Variants in MPO observed in about 807,000 individuals in gnomAD.
MPO encodes the protein myeloperoxidase.
In MPO, 57 loss-of-function variants were observed where a neutral mutation model predicts 69.4. That is an observed-to-expected ratio of 0.82 (90% confidence interval 0.66 to 1.02). MPO has a LOEUF of 1.02. MPO is among the 50% of genes least tolerant of loss of function. The probability of loss-of-function intolerance (pLI) is 0.00; values close to 1 mark genes in which losing one functional copy is unlikely to be tolerated. For synonymous variants in MPO, 426 were observed against 417.1 expected (o/e 1.02, Z -0.26); for missense variants, 971 against 1,014.1 (o/e 0.96, Z 0.58).
chr17:58,273,349 C>A, intron 9 of MPO, 65 bp downstream of exon 9: 2 of 1,611,502 alleles, frequency 1.2e-6, no homozygotes, highest in Non-Finnish European at 1.7e-6. Context: ...CTCCCTAGAG[C>A]CAAGGTGATC....
intron 11 of MPO, among the ~76,000 whole-genome samples, chr17:58,271,453 G>A (rs768632731): frequency 6.6e-6 from 1 of 152,154 alleles, no homozygotes; most frequent in Non-Finnish European, 1.5e-5. Flanking sequence ...ACAACCAGGG[G>A]TCCAGGTCTT....
chr17:58,279,221 G>C lies in MPO; in HGVS notation c.679-7C>G. ...CGTTGGAGACCGCGCGAGCCTGCGG[G>C]ACACGGAGATCAGCTGGCGCCTGGG... On this transcript the variant is annotated splice_polypyrimidine_tract_variant and splice_region_variant and intron_variant, in intron 5 of 11. Transcript: ENST00000225275. 6.3e-7 allele frequency: 1 copy of C among 1,596,934 alleles called. No individual in the cohort carries two copies. Among genetic ancestry groups the C allele is most frequent in the Middle Eastern group, 1.7e-4 (1 of 6,016 alleles).
At position 58,273,520 on chromosome 17, in the gene MPO, GA is replaced by G; in HGVS notation, c.1514del (p.Ile505ThrfsTer53). 2 of 1,614,232 alleles carry G rather than the reference GA, an allele frequency of 1.2e-6. No individual in the cohort carries two copies. ...TGTCCAGGCGGAACATGAAGGGTTGGATGAGGGTGTGGCCGTAGCGGAAGGC... is the reference window on the plus strand; with the variant it reads ...TGTCCAGGCGGAACATGAAGGGTTGGTGAGGGTGTGGCCGTAGCGGAAGGC... ...TNAFRYGHTLIQPFMFRLDNR... is the reference protein window; with the variant it reads ...TNAFRYGHTLXQPFMFRLDNR... On this transcript the variant is annotated frameshift_variant, in exon 9 of 12. Coordinates refer to ENST00000225275, the MANE Select transcript of MPO (RefSeq NM_000250.2). LOFTEE classifies it high-confidence loss of function.
At position 58,280,846 on chromosome 17, in the gene MPO, AGGGAG is replaced by A; in HGVS notation, c.-93_-89del. On this transcript the variant is annotated 5_prime_UTR_variant, in exon 1 of 12. Transcript: ENST00000225275. ...CTATGGATAAAGCCAGACCTCCTTG[AGGGAG>A]GGGCTCACTGCTCTCTTATCCCCTT... 1 of 1,509,066 alleles carries A rather than the reference AGGGAG, an allele frequency of 6.6e-7. No homozygotes were observed. 93.5% of individuals were successfully genotyped at this position (1,509,066 alleles called of 1,614,324 possible).
At chr17:58,274,217 A>G (rs1258208908) in intron 8 of MPO, 6 of 494,500 alleles carry the variant, frequency 1.2e-5, no homozygotes, top group Admixed American at 4.2e-5. Context: ...AAGTGAAGAC[A>G]TGGAATAGTC....
rs544572579 is a variant in MPO, at chr17:58,280,389, C to G, written c.225G>C (p.Lys75Asn). The change falls in exon 2 of 12, where the codon AAG (lysine) becomes AAC (asparagine). Residue 75 changes from lysine to asparagine, a missense_variant. Lys to Asn is a moderately conservative substitution (Grantham distance 94). Transcript: ENST00000225275. The part of the protein sequence containing the change: ...SMEEAKQLVD[K>N]AYKERRESIK... ...ACCTTTCCCGCCGCTCCTTGTAGGC[C>G]TTGTCCACCAGCTGCTTGGCCTCCT... The G allele has an allele frequency of 1.3e-5, 21 of 1,614,016 alleles. No homozygotes were observed. The highest frequency in any genetic ancestry group is 1.7e-5 in the Non-Finnish European group (20 of 1,179,992).
chr17:58,280,051 G>C (rs769421769), intron 2 of MPO, 37 bp from the exon 3 acceptor site: 2 of 1,608,806 alleles, frequency 1.2e-6, no homozygotes, highest in South Asian at 1.1e-5. Context: ...CCAGAGAAGG[G>C]ATACAGACCC....
Position 58,276,059 on chromosome 17 carries a change from A to G in MPO, c.1205-357T>C, listed in dbSNP as rs574910548. On this transcript the variant is annotated intron_variant, in intron 7 of 11. Transcript: ENST00000225275. ...TTTTACCCTCCCTCCTAGCACACAT[A>G]TGGATACATGGGGCTTAACAGAGTG... 3.4e-4 allele frequency among the ~76,000 whole-genome samples: 52 copies of G among 152,330 alleles called. 1 individual carries two copies. The highest frequency in any genetic ancestry group is 1.2e-3 in the African/African-American group (48 of 41,576).
intron 3 of MPO, 32 bp downstream of exon 3, chr17:58,279,807 G>C (rs748907623): frequency 1.9e-6 from 3 of 1,613,686 alleles, no homozygotes; most frequent in Non-Finnish European, 2.5e-6. Flanking sequence ...CACTAGTGGA[G>C]CAGGGACCTG....
rs376862426 is a variant in MPO, at chr17:58,273,469, G to A, written c.1566C>T (p.Asn522=). 43 of 1,610,666 alleles carry A rather than the reference G, an allele frequency of 2.7e-5. No individual in the cohort carries two copies. In the South Asian group the frequency reaches 3.0e-4, roughly 11 times the overall value. ...LDNRYQPMEP[N]PRVPLSRVFF... ...AGACCCTGCTGAGGGGGACACGGGG[G>A]TTGGGTTCCATGGGCTGGTACCGAT... The change falls in exon 9 of 12, where the codon AAC becomes AAT. Residue 522 remains asparagine, a synonymous_variant. Transcript: ENST00000225275.
At chr17:58,274,098 TCA>T in intron 8 of MPO, 1 of 453,850 alleles carries the variant, frequency 2.2e-6, no homozygotes, top group African/African-American at 2.0e-5. Flanking sequence ...TTGAAATTCT[TCA>T]CAGTGCCCAC....
intron 3 of MPO, 89 bp from the exon 4 acceptor site, chr17:58,279,735 G>A: frequency 6.2e-7 from 1 of 1,613,292 alleles, no homozygotes; most frequent in Non-Finnish European, 8.5e-7. Flanking sequence ...AGACTCCTGA[G>A]ACTCCCTGGA....
rs1247080605 is a variant in MPO at position 58,270,727 on chromosome 17, A to G, written c.2167T>C (p.Tyr723His). 6.2e-7 allele frequency: 1 copy of G among 1,614,152 alleles called. No homozygotes were observed. The highest frequency in any genetic ancestry group is 8.5e-7 in the Non-Finnish European group (1 of 1,180,004). Reference sequence around the variant, plus strand: ...CTGCAGTTGACAAAGTCCCGGGGATATGAGTTGGACATGAAGATGTTGTTC... The same window carrying G: ...CTGCAGTTGACAAAGTCCCGGGGATGTGAGTTGGACATGAAGATGTTGTTC... ...SKNNIFMSNSYPRDFVNCSTL... is the reference protein window; with the variant it reads ...SKNNIFMSNSHPRDFVNCSTL... Residue 723 changes from tyrosine to histidine, a missense_variant, in exon 12 of 12, where the codon TAT becomes CAT. Tyr to His is a moderately conservative substitution (Grantham distance 83). Transcript: ENST00000225275. This position sits in a 1 kb window ranked among gnomAD's most constrained non-coding sequence, Gnocchi z 4.1.
At chr17:58,274,228 T>A (rs1182446861) in intron 8 of MPO, 2 of 488,474 alleles carry the variant, frequency 4.1e-6, no homozygotes, top group African/African-American at 3.9e-5. Flanking sequence ...TGGAATAGTC[T>A]CACTCTACAT....
In MPO at chr17:58,269,910, G is replaced by C. The variant is rs1567825969; in HGVS notation, c.*746C>G. On this transcript the variant is annotated 3_prime_UTR_variant, in exon 12 of 12. Coordinates refer to ENST00000225275, the MANE Select transcript of MPO (RefSeq NM_000250.2). ...TCATAAACATTGGGAGCAAATAAATGGTACAGAAAGGGCAACAGGCCCAGT... is the reference window on the plus strand; with the variant it reads ...TCATAAACATTGGGAGCAAATAAATCGTACAGAAAGGGCAACAGGCCCAGT... 6.5e-6 allele frequency: 1 copy of C among 153,152 alleles called. No homozygotes were observed. The highest frequency in any genetic ancestry group is 2.4e-5 in the African/African-American group (1 of 41,458). The allele number at this position is 153,152 out of a possible 1,614,324, so 9.5% of individuals were successfully genotyped here.
intron 6 of MPO, among the ~76,000 whole-genome samples, chr17:58,278,426 T>G (rs1315391275): frequency 1.3e-5 from 2 of 152,080 alleles, no homozygotes; most frequent in Non-Finnish European, 2.9e-5. Context: ...CTCTCTCCCC[T>G]TCTCTCTGCT....
At position 58,279,633 on chromosome 17, in the gene MPO, G is replaced by A. The variant is rs1444416546; in HGVS notation, c.438C>T (p.Pro146=). ...ACTTGGACAACACATTCAGCTGGGC[G>A]GGCGTCAGCACATCTGCCGGGGGAA... ...RPFNVTDVLT[P]AQLNVLSKSS... is the part of the protein sequence containing the mutation. Residue 146 remains proline (P), a synonymous_variant, in exon 4 of 12, where the codon CCC becomes CCT. Transcript: ENST00000225275. 1.9e-6 allele frequency: 3 copies of A among 1,614,130 alleles called. No individual in the cohort carries two copies. Among genetic ancestry groups the A allele is most frequent in the South Asian group, 1.1e-5 (1 of 91,084 alleles).
At position 58,274,347 on chromosome 17, in the gene MPO, AGTGTGTGTGTGT is replaced by A. The variant is rs55893734; in HGVS notation, c.1366-690_1366-679del. The A allele has an allele frequency of 2.3e-4, 77 of 334,670 alleles. No homozygotes were observed. The East Asian group carries it at 2.5e-3, about 11-fold the overall frequency. The allele number at this position is 334,670 out of a possible 1,614,324, so 20.7% of individuals were successfully genotyped here. Reference sequence around the variant, plus strand: ...AAAACTCTCTCCTCCAGAATCTAGGAGTGTGTGTGTGTGTGTGTGTGTGTGTGTGTGTGTGTG... The same window carrying A: ...AAAACTCTCTCCTCCAGAATCTAGGAGTGTGTGTGTGTGTGTGTGTGTGTG... On this transcript the variant is annotated intron_variant, in intron 8 of 11. Transcript: ENST00000225275.
chr17:58,280,207 G>T, intron 2 of MPO, 159 bp downstream of exon 2: 1 of 1,012,304 alleles, frequency 9.9e-7, no homozygotes, highest in Non-Finnish European at 1.5e-6. Context: ...CTTTTAAGCT[G>T]TTCTCCCATC....
Sources: allele counts gnomAD v4.1 joint callset (sites outside exome capture counted in the v4.1 genomes callset), GRCh38; gene constraint gnomAD v4.1.1; non-coding constraint Gnocchi (gnomAD v3.1); transcripts MANE v1.5; gene names NCBI Gene and HGNC (gene_info 2026-07-23, HGNC 2026-07-21).